SORCS3: variants seen among roughly 807,000 people sequenced by gnomAD.
SORCS3 encodes the protein VPS10 domain-containing receptor SorCS3.
Under a neutral mutation model 146.3 loss-of-function variants are expected in SORCS3, and 57 were observed. That is an observed-to-expected ratio of 0.39 (90% CI 0.31 to 0.49). The LOEUF is 0.49. SORCS3 is among the 20% of genes least tolerant of loss of function. The probability of loss-of-function intolerance (pLI) is 0.92; values close to 1 mark genes in which losing one functional copy is unlikely to be tolerated. For synonymous variants in SORCS3, 653 were observed against 618.5 expected (o/e 1.06, Z -0.83); for missense variants, 1,341 against 1,575.5 (o/e 0.85, Z 2.52).
At chr10:105,233,809 T>A (rs2056778284) in intron 20 of SORCS3, among the ~76,000 whole-genome samples, 1 of 152,200 alleles carries the variant, frequency 6.6e-6, no homozygotes, top group African/African-American at 2.4e-5. Flanking sequence ...CAGTCTACCA[T>A]TGATGGGCAT....
rs563656444 is a variant in SORCS3 at position 104,657,429 on chromosome 10, T to G, written c.627+15475T>G. On this transcript the variant is annotated intron_variant, in intron 1 of 26. Coordinates refer to ENST00000369701, the MANE Select transcript of SORCS3 (RefSeq NM_014978.3). Reference sequence around the variant, plus strand: ...TGGATGTAGCAAATGTGTGGGAACATAATTACGGTATAAAGTGAGGCTCAC... The same window carrying G: ...TGGATGTAGCAAATGTGTGGGAACAGAATTACGGTATAAAGTGAGGCTCAC... 5.9e-5 allele frequency among the ~76,000 whole-genome samples: 9 copies of G among 152,344 alleles called. 1 individual carries two copies. In the South Asian group the frequency reaches 1.9e-3, roughly 32 times the overall value.
At chr10:105,091,099 CTCCCTCCCTTT>C (rs2055698934) in intron 6 of SORCS3, among the ~76,000 whole-genome samples, 1 of 106,002 alleles carries the variant, frequency 9.4e-6, no homozygotes, top group Non-Finnish European at 2.0e-5. Flanking sequence ...CCCTCCTGTC[CTCCCTCCCTTT>C]TTCCCTCCCT....
At chr10:104,997,501 A>C (rs1388917232) in intron 4 of SORCS3, among the ~76,000 whole-genome samples, 1 of 152,188 alleles carries the variant, frequency 6.6e-6, no homozygotes, top group Non-Finnish European at 1.5e-5. Flanking sequence ...CCCTGACTCT[A>C]AACCTCTGCT....
intron 6 of SORCS3, among the ~76,000 whole-genome samples, chr10:105,097,163 G>A (rs867535478): frequency 6.6e-6 from 1 of 152,062 alleles, no homozygotes; most frequent in Non-Finnish European, 1.5e-5. Context: ...AACATCAGCT[G>A]GTCTCTTTTC....
intron 25 of SORCS3, among the ~76,000 whole-genome samples, chr10:105,259,154 C>G (rs1418963375): frequency 6.6e-6 from 1 of 152,154 alleles, no homozygotes; most frequent in African/African-American, 2.4e-5. Flanking sequence ...GTTTAAAATG[C>G]TCTATCATCA....
intron 2 of SORCS3, among the ~76,000 whole-genome samples, chr10:104,864,638 C>A (rs912099130): frequency 1.3e-5 from 2 of 152,110 alleles, no homozygotes; most frequent in Admixed American, 1.3e-4. Context: ...AAGGTCTTTT[C>A]ATCAGAGACA....
chr10:105,081,030 C>T (rs1021694615), intron 5 of SORCS3, among the ~76,000 whole-genome samples: 2 of 152,190 alleles, frequency 1.3e-5, no homozygotes, highest in Admixed American at 1.3e-4. Flanking sequence ...ATTAACTTGA[C>T]TTAATCATTC....
chr10:105,077,005 C>G (rs929969099), intron 5 of SORCS3, among the ~76,000 whole-genome samples: 14 of 152,138 alleles, frequency 9.2e-5, no homozygotes, highest in Non-Finnish European at 1.9e-4. Context: ...TTTCTCTACC[C>G]GTGGGGATTG....
intron 7 of SORCS3, among the ~76,000 whole-genome samples, chr10:105,108,407 G>A (rs911894208): frequency 2.0e-4 from 30 of 152,246 alleles, no homozygotes; most frequent in East Asian, 9.7e-4. Context: ...ATTGCCAGTC[G>A]CAGCTGAGTT....
intron 5 of SORCS3, among the ~76,000 whole-genome samples, chr10:105,080,655 AT>A (rs967897308): frequency 2.0e-5 from 3 of 151,446 alleles, no homozygotes; most frequent in Admixed American, 6.6e-5. Context: ...GTCTTCCAGG[AT>A]TTTTTTTTAT....
At chr10:105,044,072 G>GA (rs1049717676) in intron 5 of SORCS3, among the ~76,000 whole-genome samples, 8 of 151,126 alleles carry the variant, frequency 5.3e-5, no homozygotes, top group Middle Eastern at 3.4e-3. Context: ...TATGCTTAAT[G>GA]AAAAAAAAAG....
intron 2 of SORCS3, among the ~76,000 whole-genome samples, chr10:104,890,915 T>A (rs1489135392): frequency 6.6e-6 from 1 of 152,218 alleles, no homozygotes; most frequent in Non-Finnish European, 1.5e-5. Context: ...TTAGATTAAT[T>A]GATTTTTCTT....
chr10:105,200,123 A>T lies in SORCS3; in HGVS notation c.2127+7A>T. 1 of 1,606,486 alleles carries T rather than the reference A, an allele frequency of 6.2e-7. No individual in the cohort carries two copies. Among genetic ancestry groups the T allele is most frequent in the African/African-American group, 1.3e-5 (1 of 74,804 alleles). The stretch of plus-strand genomic sequence containing the variant: ...CTGGCACCTGCTCAATCAGGTACAC[A>T]CCCCAGGGAGTTGGAGTGCTGGCTT... On this transcript the variant is annotated splice_region_variant and intron_variant, in intron 15 of 26. Coordinates refer to ENST00000369701, the MANE Select transcript of SORCS3 (RefSeq NM_014978.3).
chr10:105,248,536 A>G (rs1181772359), intron 22 of SORCS3, among the ~76,000 whole-genome samples: 1 of 152,142 alleles, frequency 6.6e-6, no homozygotes, highest in African/African-American at 2.4e-5. Context: ...CAACATGGTG[A>G]AACCCTGTCT....
intron 4 of SORCS3, among the ~76,000 whole-genome samples, chr10:104,985,985 T>A (rs1204683462): frequency 6.6e-6 from 1 of 152,196 alleles, no homozygotes. Flanking sequence ...AGCATTGACT[T>A]CAACTTAAAG....
intron 5 of SORCS3, among the ~76,000 whole-genome samples, chr10:105,089,123 C>G (rs1024404422): frequency 3.3e-5 from 5 of 152,250 alleles, no homozygotes; most frequent in Middle Eastern, 3.4e-3. Context: ...GATTCTCAGG[C>G]CTCCATCTTC....
chr10:104,785,083 C>CG (rs1260730249), intron 1 of SORCS3, among the ~76,000 whole-genome samples: 1 of 152,116 alleles, frequency 6.6e-6, no homozygotes, highest in Non-Finnish European at 1.5e-5. Flanking sequence ...GGGGCTGACC[C>CG]CCCCCCACCT....
At chr10:104,985,553 T>C (rs1211564121) in intron 4 of SORCS3, among the ~76,000 whole-genome samples, 1 of 152,230 alleles carries the variant, frequency 6.6e-6, no homozygotes, top group Non-Finnish European at 1.5e-5. Context: ...TCTAGAATGA[T>C]GAATGCTTTC....
intron 5 of SORCS3, among the ~76,000 whole-genome samples, chr10:105,081,667 C>A (rs1463760741): frequency 1.3e-5 from 2 of 152,130 alleles, no homozygotes; most frequent in African/African-American, 2.4e-5. Context: ...GTTAGTAGCA[C>A]CTGTGAGTCT....
Sources: gnomAD v4.1 joint callset for allele counts (sites outside exome capture counted in the v4.1 genomes callset) on GRCh38, gnomAD v4.1.1 for gene constraint, MANE v1.5 for transcripts, NCBI Gene and HGNC (gene_info 2026-07-23, HGNC 2026-07-21) for gene names.